The following BBX variants were observed in gnomAD, a reference collection of about 807,000 sequenced individuals.
BBX encodes BBX high mobility group box domain containing, also known as HMG box transcription factor BBX.
In BBX, 30 loss-of-function variants were observed where a neutral mutation model predicts 100.2. The observed-to-expected ratio is 0.30, with a 90% confidence interval of 0.22 to 0.41. BBX has a LOEUF of 0.41. Among genes scored for constraint, BBX ranks in the 10% least tolerant of loss-of-function variants. The pLI, the probability that BBX is intolerant of heterozygous loss-of-function variation, is 1.00. For missense variants in BBX, 1,023 were observed against 1,129.8 expected, an observed-to-expected ratio of 0.91 and a Z score of 1.35; for synonymous variants, 376 against 388.1, an observed-to-expected ratio of 0.97 and a Z score of 0.37.
At chr3:107,587,450 C>T (rs600099) in intron 2 of BBX, among the ~76,000 whole-genome samples, 113,685 of 152,068 alleles carry the variant, frequency 0.75, 43,810 homozygotes, top group Middle Eastern at 0.83. Flanking sequence ...AATAATCTAC[C>T]CTAGAAATTG....
intron 10 of BBX, 35 bp downstream of exon 10, chr3:107,755,713 C>A: frequency 1.3e-6 from 2 of 1,542,254 alleles, no homozygotes; most frequent in Non-Finnish European, 1.8e-6. Flanking sequence ...ATAAGATCTG[C>A]AGAGGTGGAA....
chr3:107,614,239 C>T (rs903681370), intron 2 of BBX, among the ~76,000 whole-genome samples: 4 of 151,946 alleles, frequency 2.6e-5, no homozygotes, highest in Non-Finnish European at 4.4e-5. Context: ...CGTGAGCCAC[C>T]GTGCCCTGCC....
intron 17 of BBX, among the ~76,000 whole-genome samples, chr3:107,804,577 T>C (rs1385985308): frequency 1.3e-5 from 2 of 152,204 alleles, no homozygotes; most frequent in Non-Finnish European, 2.9e-5. Context: ...CTACTAATTA[T>C]ACAAAAGCTG....
intron 3 of BBX, among the ~76,000 whole-genome samples, chr3:107,700,680 C>T (rs1398246063): frequency 1.4e-5 from 2 of 145,296 alleles, no homozygotes; most frequent in Non-Finnish European, 3.0e-5. Context: ...TGAGTGAGAA[C>T]ATGCGGTGTT....
At chr3:107,665,714 T>C (rs955189893) in intron 3 of BBX, among the ~76,000 whole-genome samples, 3 of 152,190 alleles carry the variant, frequency 2.0e-5, no homozygotes, top group African/African-American at 7.2e-5. Context: ...TCTTGCTCCT[T>C]CTTCTCTTCC....
At chr3:107,750,010 G>A (rs954247165) in intron 9 of BBX, among the ~76,000 whole-genome samples, 2 of 152,134 alleles carry the variant, frequency 1.3e-5, no homozygotes, top group Non-Finnish European at 2.9e-5. Context: ...CTAAGGGACT[G>A]GTTTGGTGGT....
chr3:107,791,333 T>A, intron 15 of BBX, 34 bp downstream of exon 15: 1 of 1,576,190 alleles, frequency 6.3e-7, no homozygotes, highest in Non-Finnish European at 8.7e-7. Flanking sequence ...TTTGAGACAA[T>A]CGGAGCTGGA....
intron 3 of BBX, among the ~76,000 whole-genome samples, chr3:107,706,662 C>A (rs1288666162): frequency 1.3e-5 from 2 of 152,290 alleles, no homozygotes; most frequent in East Asian, 3.9e-4. Flanking sequence ...ACATTTGCTT[C>A]ATTTACTGCA....
intron 7 of BBX, among the ~76,000 whole-genome samples, chr3:107,742,936 TC>T (rs1204132964): frequency 2.0e-5 from 3 of 152,176 alleles, no homozygotes; most frequent in Non-Finnish European, 4.4e-5. Context: ...AGTTGAATTT[TC>T]TTCATGCTGT....
chr3:107,792,994 A>G (rs965375777), intron 15 of BBX, among the ~76,000 whole-genome samples: 2 of 152,136 alleles, frequency 1.3e-5, no homozygotes, highest in Non-Finnish European at 2.9e-5. Context: ...ACCTGCCACT[A>G]ATCAGCATTT....
chr3:107,616,573 G>T (rs898429207), intron 2 of BBX, among the ~76,000 whole-genome samples: 2 of 151,890 alleles, frequency 1.3e-5, no homozygotes, highest in African/African-American at 2.4e-5. Context: ...GTGTGTGTGT[G>T]TTTTTTTAAA....
rs138618473 is a variant in BBX, at chr3:107,656,076, T to C, written c.-10+10167T>C. On this transcript the variant is annotated intron_variant, in intron 3 of 17. Transcript: ENST00000325805. ...AAAATTTAAATAGCTCATTCAACCA[T>C]GATCTTATTCTGTTATTTAATTCAT... Among the ~76,000 whole-genome samples the C allele has an allele frequency of 7.8e-3, 1,191 of 152,290 alleles. 8 individuals are homozygous for C. Among genetic ancestry groups the C allele is most frequent in the Non-Finnish European group, 0.014 (964 of 68,024 alleles).
chr3:107,534,431 T>C (rs1174575850), intron 2 of BBX, among the ~76,000 whole-genome samples: 1 of 152,220 alleles, frequency 6.6e-6, no homozygotes. Flanking sequence ...ATTATCATTT[T>C]CTTTCTTCCC....
chr3:107,577,084 C>T (rs2051843882), intron 2 of BBX, among the ~76,000 whole-genome samples: 3 of 152,146 alleles, frequency 2.0e-5, no homozygotes, highest in African/African-American at 7.2e-5. Context: ...TGGTCTTGAT[C>T]TCCTGACCTC....
chr3:107,733,725 C>A (rs917221283), intron 7 of BBX, among the ~76,000 whole-genome samples: 1 of 152,154 alleles, frequency 6.6e-6, no homozygotes, highest in African/African-American at 2.4e-5. Context: ...GTCTTAGCCT[C>A]CCAAAGTTCT....
chr3:107,763,559 G>A (rs1224146583), intron 10 of BBX, among the ~76,000 whole-genome samples: 1 of 152,052 alleles, frequency 6.6e-6, no homozygotes, highest in Non-Finnish European at 1.5e-5. Flanking sequence ...CTGAGCCTAA[G>A]GTATGGTTTT....
intron 3 of BBX, among the ~76,000 whole-genome samples, chr3:107,661,313 A>C (rs951255369): frequency 3.3e-5 from 5 of 152,214 alleles, no homozygotes; most frequent in African/African-American, 4.8e-5. Flanking sequence ...AGGATACCAG[A>C]AAAAGCAGTG....
At chr3:107,661,931 A>T in intron 3 of BBX, 1 of 978,576 alleles carries the variant, frequency 1.0e-6, no homozygotes, top group African/African-American at 1.7e-5. Context: ...CCAGAGGCGA[A>T]TTGTTCCACT....
intron 3 of BBX, among the ~76,000 whole-genome samples, chr3:107,706,886 A>G (rs2061425788): frequency 6.6e-6 from 1 of 152,032 alleles, no homozygotes; most frequent in African/African-American, 2.4e-5. Flanking sequence ...ACTTTTTTTC[A>G]TCTTTTTAAA....
Sources: allele counts gnomAD v4.1 joint callset (sites outside exome capture counted in the v4.1 genomes callset), GRCh38; gene constraint gnomAD v4.1.1; transcripts MANE v1.5; gene names NCBI Gene and HGNC (gene_info 2026-07-23, HGNC 2026-07-21).